The following LMNA variants were observed in gnomAD, a reference collection of about 807,000 sequenced individuals.
LMNA encodes the protein lamin A/C, also known as lamin.
A neutral mutation model predicts 70.4 loss-of-function variants in LMNA; 20 were observed. The observed-to-expected ratio is 0.28, with a 90% CI of 0.20 to 0.41. LMNA has a LOEUF of 0.41. LMNA is among the 10% of genes least tolerant of loss of function. LMNA has a pLI of 1.00. For synonymous variants in LMNA, 339 were observed against 372.8 expected, an observed-to-expected ratio of 0.91 and a Z score of 1.04; for missense variants, 652 against 917.2, an observed-to-expected ratio of 0.71 and a Z score of 3.73.
chr1:156,115,434 G>A lies in LMNA; in HGVS notation c.356+160G>A, dbSNP rs564412515. Among the ~76,000 whole-genome samples, 1 of 152,344 alleles carries A rather than the reference G, an allele frequency of 6.6e-6. No homozygotes were observed. Among genetic ancestry groups the A allele is most frequent in the South Asian group, 2.1e-4 (1 of 4,830 alleles). On this transcript the variant is annotated intron_variant, in intron 1 of 11. Transcript: ENST00000368300. The surrounding 1 kb of genome is among the most constrained non-coding windows in gnomAD (Gnocchi z 5.8). ...AACTGCCCCCAGCGGGTGACTGGCA[G>A]TGTCAAGGGGAATTGTCAAGACAGG...
intron 3 of LMNA, among the ~76,000 whole-genome samples, chr1:156,094,137 G>T (rs1648815606): frequency 1.3e-5 from 2 of 152,136 alleles, no homozygotes; most frequent in South Asian, 4.1e-4. Context: ...GCTCAGAAGG[G>T]ATCCCTAAGC....
chr1:156,102,725 C>A (rs1328720418), intron 3 of LMNA, among the ~76,000 whole-genome samples: 1 of 152,138 alleles, frequency 6.6e-6, no homozygotes, highest in East Asian at 1.9e-4. Flanking sequence ...TGAATTAACT[C>A]TTGGGAGAAA....
chr1:156,139,017 G>T, intron 11 of LMNA, 63 bp from the exon 12 acceptor site: 1 of 1,563,012 alleles, frequency 6.4e-7, no homozygotes, highest in African/African-American at 1.4e-5. Flanking sequence ...TAGGGGCCAG[G>T]GGAGGGAGGG....
intron 3 of LMNA, among the ~76,000 whole-genome samples, chr1:156,096,733 G>T (rs1462558326): frequency 2.0e-5 from 3 of 152,270 alleles, no homozygotes; most frequent in Non-Finnish European, 4.4e-5. Context: ...CTCAGGACTA[G>T]CCTGGATGCA....
chr1:156,138,510 G>T lies in LMNA; in HGVS notation c.1721G>T (p.Gly574Val). Residue 574 changes from glycine to valine, a missense_variant, in exon 11 of 12, where the codon GGG (glycine) becomes GTG (valine). This residue lies in a region of LMNA where 327 missense variants were observed against 387.6 expected (regional missense o/e 0.84). Transcript: ENST00000368300. This position sits in a 1 kb window ranked among gnomAD's most constrained non-coding sequence, Gnocchi z 5.5. ...CAGGGCTCCCACTGCAGCAGCTCGG[G>T]GGACCCCGCTGAGTACAACCTGCGC... ...HHHGSHCSSS[G>V]DPAEYNLRSR... The T allele has an allele frequency of 6.2e-7, 1 of 1,612,536 alleles. No individual in the cohort carries two copies. The highest frequency in any genetic ancestry group is 8.5e-7 in the Non-Finnish European group (1 of 1,179,816).
At chr1:156,085,617 T>G (rs142047627) in intron 2 of LMNA, among the ~76,000 whole-genome samples, 2 of 152,336 alleles carry the variant, frequency 1.3e-5, no homozygotes, top group East Asian at 1.9e-4. Flanking sequence ...AATAGGGGTA[T>G]GTTGAGTGTA....
At chr1:156,097,197 G>C (rs1427090003) in intron 3 of LMNA, among the ~76,000 whole-genome samples, 1 of 152,190 alleles carries the variant, frequency 6.6e-6, no homozygotes, top group East Asian at 1.9e-4. Flanking sequence ...GGGAGGCCCG[G>C]TTTCCATGAC....
Position 156,135,436 on chromosome 1 carries a change from G to A in LMNA, c.936+124G>A. The stretch of plus-strand genomic sequence containing the variant: ...CCTGAGGAGGAGAGGGATGAAAAGT[G>A]TCCCCACAACCACAGAGAAGGGTCG... On this transcript the variant is annotated intron_variant, in intron 5 of 11. Coordinates refer to ENST00000368300, the MANE Select transcript of LMNA (RefSeq NM_170707.4). The surrounding 1 kb of genome is among the most constrained non-coding windows in gnomAD (Gnocchi z 4.8). 2 of 1,293,412 alleles carry A rather than the reference G, an allele frequency of 1.5e-6. No homozygotes were observed. The highest frequency in any genetic ancestry group is 2.2e-6 in the Non-Finnish European group (2 of 923,540). 80.1% of individuals were successfully genotyped at this position (1,293,412 alleles called of 1,614,324 possible).
intron 1 of LMNA, among the ~76,000 whole-genome samples, chr1:156,119,114 T>G (rs998204421): frequency 2.0e-5 from 3 of 150,956 alleles, no homozygotes; most frequent in African/African-American, 7.3e-5. Flanking sequence ...CCCAGCTAAT[T>G]TTTTTTTTCT....
chr1:156,130,557 T>C, intron 1 of LMNA, 60 bp from the exon 2 acceptor site: 1 of 1,585,546 alleles, frequency 6.3e-7, no homozygotes, highest in Non-Finnish European at 8.7e-7. Context: ...CCTGGGAGCC[T>C]GGCACTGTCT....
In LMNA at chr1:156,088,533, G is replaced by T. The variant is rs183422679; in HGVS notation, c.-318-1938G>T. On this transcript the variant is annotated intron_variant, in intron 2 of 12. Coordinates refer to the LMNA transcript ENST00000368301. ...CAAAATGGTCTTTGGGGTAGAGCAC[G>T]GTGGCTCCTGCCTATAATCCCAGCA... Among the ~76,000 whole-genome samples, 4 of 152,274 alleles carry T rather than the reference G, an allele frequency of 2.6e-5. No homozygotes were observed. The East Asian group carries it at 7.7e-4, about 29-fold the overall frequency.
rs1553265807 is a variant in LMNA, at chr1:156,136,229, C to T, written c.1173C>T (p.Pro391=). The part of the protein sequence containing the change: ...EGEEERLRLS[P]SPTSQRSRGR... Reference sequence around the variant, plus strand: ...CTCTCCCCAGGCTACGCCTGTCCCCCAGCCCTACCTCGCAGCGCAGCCGTG... The same window carrying T: ...CTCTCCCCAGGCTACGCCTGTCCCCTAGCCCTACCTCGCAGCGCAGCCGTG... The change falls in exon 7 of 12, where the codon CCC becomes CCT. Residue 391 remains proline, a synonymous_variant. Coordinates refer to ENST00000368300, the MANE Select transcript of LMNA (RefSeq NM_170707.4). This position sits in a 1 kb window ranked among gnomAD's most constrained non-coding sequence, Gnocchi z 6.1. The T allele has an allele frequency of 5.0e-6, 8 of 1,612,508 alleles. No individual in the cohort carries two copies. The highest frequency in any genetic ancestry group is 6.8e-6 in the Non-Finnish European group (8 of 1,180,042).
Position 156,138,807 on chromosome 1 carries a change from A to G in LMNA, c.1968+50A>G, listed in dbSNP as rs1440219878. On this transcript the variant is annotated intron_variant, in intron 11 of 11. Coordinates refer to ENST00000368300, the MANE Select transcript of LMNA (RefSeq NM_170707.4). The surrounding 1 kb of genome is among the most constrained non-coding windows in gnomAD (Gnocchi z 5.5). ...AAATCCTGCAGGCGGGTCCCTGGTC[A>G]TCGAGGGGTAGGACGAGGTGGCCTT... 3 of 1,611,200 alleles carry G rather than the reference A, an allele frequency of 1.9e-6. No individual in the cohort carries two copies. Among genetic ancestry groups the G allele is most frequent in the Admixed American group, 3.3e-5 (2 of 59,960 alleles).
At chr1:156,085,160 C>T (rs933807352) in intron 2 of LMNA, among the ~76,000 whole-genome samples, 2 of 152,190 alleles carry the variant, frequency 1.3e-5, no homozygotes, top group Non-Finnish European at 2.9e-5. Context: ...GATATGTGTG[C>T]GAATGCAGTT....
At chr1:156,129,120 G>A (rs558017912) in intron 1 of LMNA, among the ~76,000 whole-genome samples, 3 of 152,308 alleles carry the variant, frequency 2.0e-5, no homozygotes, top group East Asian at 3.9e-4. Flanking sequence ...TACATTCTCC[G>A]GTTCTGGAAG....
Position 156,135,968 on chromosome 1 carries a change from G to C in LMNA, c.1004G>C (p.Arg335Pro). The stretch of plus-strand genomic sequence containing the variant: ...CTGGCCCGTGAGCGGGACACCAGCC[G>C]GCGGCTGCTGGCGGAAAAGGAGCGG... ...DSLARERDTS[R>P]RLLAEKEREM... Residue 335 changes from arginine (R) to proline (P), a missense_variant, in exon 6 of 12, where the codon CGG becomes CCG. By Grantham distance (103) the Arg-to-Pro change is moderately radical. Around this residue, in one of 4 missense-constraint regions of LMNA, gnomAD observed 38 missense variants for 32.5 expected, o/e 1.17. Transcript: ENST00000368300. This position sits in a 1 kb window ranked among gnomAD's most constrained non-coding sequence, Gnocchi z 4.8. 2 of 1,614,022 alleles carry C rather than the reference G, an allele frequency of 1.2e-6. No homozygotes were observed. Among genetic ancestry groups the C allele is most frequent in the Non-Finnish European group, 8.5e-7 (1 of 1,180,010 alleles).
rs13768 is a variant in LMNA at position 156,138,660 on chromosome 1, G to A, written c.1871G>A (p.Arg624His). Residue 624 changes from arginine to histidine, a missense_variant, in exon 11 of 12, where the codon CGC becomes CAC. Transcript: ENST00000368300. The surrounding 1 kb of genome is among the most constrained non-coding windows in gnomAD (Gnocchi z 5.5). ...TCTGCCTCCAGTGTCACGGTCACTCGCAGCTACCGCAGTGTGGGGGGCAGT... is the reference window on the plus strand; with the variant it reads ...TCTGCCTCCAGTGTCACGGTCACTCACAGCTACCGCAGTGTGGGGGGCAGT... The part of the protein sequence containing the change: ...GSSASSVTVT[R>H]SYRSVGGSGG... The A allele has an allele frequency of 1.3e-5, 21 of 1,613,608 alleles. No individual in the cohort carries two copies. The highest frequency in any genetic ancestry group is 5.0e-5 in the Admixed American group (3 of 60,000).
At chr1:156,086,179 A>G (rs951932851) in intron 2 of LMNA, among the ~76,000 whole-genome samples, 14 of 152,350 alleles carry the variant, frequency 9.2e-5, no homozygotes, top group African/African-American at 3.4e-4. Context: ...TGTGGTCTTC[A>G]TGAATTTTCA....
intron 3 of LMNA, among the ~76,000 whole-genome samples, chr1:156,090,792 G>T (rs574740226): frequency 6.2e-4 from 95 of 152,334 alleles, no homozygotes; most frequent in African/African-American, 2.2e-3. Flanking sequence ...GAGGTGCCCA[G>T]GGAGACTTGC....
Sources: allele counts gnomAD v4.1 joint callset (sites outside exome capture counted in the v4.1 genomes callset), GRCh38; gene constraint gnomAD v4.1.1; regional missense constraint gnomAD v4.1.1; non-coding constraint Gnocchi (gnomAD v3.1); transcripts MANE v1.5; gene names NCBI Gene and HGNC (gene_info 2026-07-23, HGNC 2026-07-21).